Variants in TCF4 observed in about 807,000 individuals in gnomAD.
The protein encoded by TCF4 is transcription factor 4.
Under a neutral mutation model 82.1 loss-of-function variants are expected in TCF4, and 3 were observed. The observed-to-expected ratio is 0.04, with a 90% CI of 0.02 to 0.09. The LOEUF (loss-of-function observed/expected upper bound fraction) is 0.09. Among genes scored for constraint, TCF4 ranks in the 10% least tolerant of loss-of-function variants. The pLI is 1.00. For synonymous variants in TCF4, 276 were observed against 309.6 expected (o/e 0.89, Z 1.14); for missense variants, 518 against 852.7 (o/e 0.61, Z 4.89).
intron 6 of TCF4, among the ~76,000 whole-genome samples, chr18:55,360,731 C>CCTTT (rs753933037): frequency 5.4e-5 from 4 of 74,274 alleles, no homozygotes; most frequent in African/African-American, 5.8e-5. Context: ...GCCCCCCACC[C>CCTTT]TTTTTTTTTT....
intron 3 of TCF4, among the ~76,000 whole-genome samples, chr18:55,555,958 G>C (rs1184534180): frequency 6.6e-6 from 1 of 152,136 alleles, no homozygotes; most frequent in Non-Finnish European, 1.5e-5. Flanking sequence ...CAAGAAGTCT[G>C]GTAAGAATGG....
chr18:55,440,566 C>CTGTCT (rs2095420526), intron 5 of TCF4, among the ~76,000 whole-genome samples: 1 of 152,216 alleles, frequency 6.6e-6, no homozygotes, highest in Non-Finnish European at 1.5e-5. Context: ...TACCCTTTCT[C>CTGTCT]TGTCTTCCAG....
chr18:55,223,681 CTTTTTTTT>C lies in TCF4; in HGVS notation c.*4346_*4353del, dbSNP rs11431395. 7.3e-6 allele frequency: 1 copy of C among 137,862 alleles called. No homozygotes were observed. The highest frequency in any genetic ancestry group is 7.3e-5 in the Admixed American group (1 of 13,644). The allele number at this position is 137,862 out of a possible 1,614,324, so 8.5% of individuals were successfully genotyped here. A position where few individuals can be genotyped will look rare whatever the true frequency, so the allele number is the denominator to read the frequency against. On this transcript the variant is annotated 3_prime_UTR_variant, in exon 20 of 20. Transcript: ENST00000354452. The stretch of plus-strand genomic sequence containing the variant: ...TTGAAAACAAGGTGTAACTGTTTAT[CTTTTTTTT>C]TTTTTTTGAAATGTTTTCCCTTTTT...
intron 6 of TCF4, among the ~76,000 whole-genome samples, chr18:55,360,319 T>G (rs2084765045): frequency 6.6e-6 from 1 of 152,188 alleles, no homozygotes; most frequent in Non-Finnish European, 1.5e-5. Flanking sequence ...CATAGGAGAC[T>G]AGAGACAGAA....
At chr18:55,434,253 T>C (rs537254387) in intron 5 of TCF4, among the ~76,000 whole-genome samples, 2 of 152,326 alleles carry the variant, frequency 1.3e-5, no homozygotes, top group South Asian at 2.1e-4. Context: ...CAATAATTCA[T>C]CTTGAGTGAC....
At chr18:55,385,916 T>C (rs2092560055) in intron 6 of TCF4, among the ~76,000 whole-genome samples, 2 of 152,186 alleles carry the variant, frequency 1.3e-5, no homozygotes, top group Non-Finnish European at 2.9e-5. Flanking sequence ...AGCTGCAGAA[T>C]GTCCACACGG....
rs11431395 is a variant in TCF4, at chr18:55,223,681, CTT to C, written c.*4352_*4353del. The C allele has an allele frequency of 0.42, 57,984 of 137,774 alleles. 11,657 individuals carry two copies. The highest frequency in any genetic ancestry group is 0.52 in the Middle Eastern group (138 of 266). The allele number at this position is 137,774 out of a possible 1,614,324, so 8.5% of individuals were successfully genotyped here. ...TTGAAAACAAGGTGTAACTGTTTAT[CTT>C]TTTTTTTTTTTTTGAAATGTTTTCC... On this transcript the variant is annotated 3_prime_UTR_variant, in exon 20 of 20. Coordinates refer to ENST00000354452, the MANE Select transcript of TCF4 (RefSeq NM_001083962.2).
intron 5 of TCF4, among the ~76,000 whole-genome samples, chr18:55,455,483 C>T (rs2095727434): frequency 6.7e-6 from 1 of 148,300 alleles, no homozygotes; most frequent in Non-Finnish European, 1.5e-5. Context: ...AAGTCCAACA[C>T]TTAAGAGTTG....
chr18:55,621,663 A>T (rs1385896822), intron 2 of TCF4, among the ~76,000 whole-genome samples: 1 of 49,276 alleles, frequency 2.0e-5, no homozygotes, highest in African/African-American at 6.4e-5. Context: ...TATAATATAC[A>T]TTATATAATA....
chr18:55,311,336 T>C (rs922295503), intron 8 of TCF4, among the ~76,000 whole-genome samples: 5 of 152,236 alleles, frequency 3.3e-5, no homozygotes, highest in African/African-American at 1.2e-4. Flanking sequence ...TCAGCACTTC[T>C]GAGGGTCTGT....
At chr18:55,425,359 T>G (rs73957195) in intron 5 of TCF4, among the ~76,000 whole-genome samples, 4,914 of 151,922 alleles carry the variant, frequency 0.032, 256 homozygotes, top group African/African-American at 0.11. Context: ...CTTTTTTTTT[T>G]TCTTTTGAGG....
At chr18:55,412,023 G>A (rs1038122488) in intron 5 of TCF4, among the ~76,000 whole-genome samples, 1 of 152,160 alleles carries the variant, frequency 6.6e-6, no homozygotes, top group Admixed American at 6.5e-5. Context: ...TTACAGGCAT[G>A]AGCCACCATG....
chr18:55,591,489 C>T (rs950735005), upstream of TCF4, among the ~76,000 whole-genome samples: 9 of 152,166 alleles, frequency 5.9e-5, no homozygotes, highest in Non-Finnish European at 1.3e-4. Context: ...TAAGACTCCT[C>T]ATTCCGCTGA....
chr18:55,560,809 C>A (rs1162353056), intron 3 of TCF4, among the ~76,000 whole-genome samples: 2 of 150,598 alleles, frequency 1.3e-5, no homozygotes. Flanking sequence ...TTTTTTTTTT[C>A]AGAAGGGAAC....
intron 3 of TCF4, among the ~76,000 whole-genome samples, chr18:55,575,522 T>C (rs548561017): frequency 6.6e-6 from 1 of 152,212 alleles, no homozygotes; most frequent in Non-Finnish European, 1.5e-5. Flanking sequence ...GAGGAATTCA[T>C]AGGTTCTTAA....
At chr18:55,371,748 G>A (rs1464506584) in intron 6 of TCF4, among the ~76,000 whole-genome samples, 1 of 152,098 alleles carries the variant, frequency 6.6e-6, no homozygotes, top group Non-Finnish European at 1.5e-5. Flanking sequence ...CACCTAGCAC[G>A]TGTCTCAAAC....
intron 1 of TCF4, among the ~76,000 whole-genome samples, chr18:55,587,573 ACCCC>A (rs1293993136): frequency 6.8e-6 from 1 of 147,334 alleles, no homozygotes; most frequent in African/African-American, 2.5e-5. Flanking sequence ...CCTGCACCCC[ACCCC>A]CCTCGCACAC....
chr18:55,270,630 C>T (rs2060156009), intron 10 of TCF4, among the ~76,000 whole-genome samples: 1 of 152,136 alleles, frequency 6.6e-6, no homozygotes, highest in Non-Finnish European at 1.5e-5. Flanking sequence ...TACAAGCAAT[C>T]CTCACATAGC....
intron 3 of TCF4, among the ~76,000 whole-genome samples, chr18:55,530,446 A>C (rs2097047470): frequency 6.6e-6 from 1 of 151,856 alleles, no homozygotes; most frequent in African/African-American, 2.4e-5. Context: ...ACATATGGGG[A>C]AATCTATATA....
Sources: allele counts gnomAD v4.1 joint callset (sites outside exome capture counted in the v4.1 genomes callset), GRCh38; gene constraint gnomAD v4.1.1; transcripts MANE v1.5; gene names NCBI Gene and HGNC (gene_info 2026-07-23, HGNC 2026-07-21).